Variants in SCFD2 observed in about 807,000 individuals in gnomAD.
SCFD2 encodes sec1 family domain containing 2, also known as sec1 family domain-containing protein 2.
A neutral mutation model predicts 58.9 loss-of-function variants in SCFD2; 54 were observed. That is an observed-to-expected ratio of 0.92 (90% CI 0.74 to 1.15). The LOEUF (loss-of-function observed/expected upper bound fraction) is 1.15, where lower values mean the gene tolerates loss of function less well. SCFD2 is among the 50% of genes most tolerant of loss of function. SCFD2 has a pLI of 0.00. For missense variants in SCFD2, 805 were observed against 836.6 expected (o/e 0.96, Z 0.47); for synonymous variants, 321 against 335.9 (o/e 0.96, Z 0.49).
intron 7 of SCFD2, among the ~76,000 whole-genome samples, chr4:52,890,047 T>C (rs1718845820): frequency 6.6e-6 from 1 of 152,224 alleles, no homozygotes; most frequent in African/African-American, 2.4e-5. Context: ...GGCCCTTCTT[T>C]TCTTAGAAAC....
At chr4:53,087,310 C>T (rs971316814) in intron 5 of SCFD2, among the ~76,000 whole-genome samples, 2 of 152,086 alleles carry the variant, frequency 1.3e-5, no homozygotes, top group South Asian at 4.1e-4. Flanking sequence ...AACTTGTGGG[C>T]AAATAAATTG....
At chr4:53,125,624 C>G (rs1426822269) in intron 5 of SCFD2, among the ~76,000 whole-genome samples, 1 of 152,210 alleles carries the variant, frequency 6.6e-6, no homozygotes, top group Non-Finnish European at 1.5e-5. Flanking sequence ...ACATGCCTGA[C>G]GGCAGGGCCC....
chr4:53,154,003 A>G (rs1365768801), intron 4 of SCFD2, among the ~76,000 whole-genome samples: 1 of 152,170 alleles, frequency 6.6e-6, no homozygotes, highest in Non-Finnish European at 1.5e-5. Context: ...TTTGGTCACA[A>G]CTATTGAACC....
At chr4:53,032,976 C>T (rs1722657166) in intron 5 of SCFD2, among the ~76,000 whole-genome samples, 3 of 152,162 alleles carry the variant, frequency 2.0e-5, no homozygotes. Flanking sequence ...ACCTAATAGA[C>T]ATCTACAGAA....
At chr4:52,995,757 T>C (rs1203532148) in intron 5 of SCFD2, among the ~76,000 whole-genome samples, 1 of 152,094 alleles carries the variant, frequency 6.6e-6, no homozygotes, top group Non-Finnish European at 1.5e-5. Flanking sequence ...GGGGAGGGGT[T>C]GAAAATTCTA....
chr4:53,121,892 T>C (rs1366405211), intron 5 of SCFD2, among the ~76,000 whole-genome samples: 1 of 152,194 alleles, frequency 6.6e-6, no homozygotes, highest in Non-Finnish European at 1.5e-5. Flanking sequence ...TAATCAAGAA[T>C]GCTAATATAA....
chr4:53,240,274 A>G (rs1448307599), intron 4 of SCFD2, among the ~76,000 whole-genome samples: 1 of 152,170 alleles, frequency 6.6e-6, no homozygotes, highest in Non-Finnish European at 1.5e-5. Context: ...CGTAACACAC[A>G]CCATTATTTT....
intron 2 of SCFD2, among the ~76,000 whole-genome samples, chr4:53,325,889 C>A (rs1249378684): frequency 6.6e-6 from 1 of 151,896 alleles, no homozygotes; most frequent in Non-Finnish European, 1.5e-5. Flanking sequence ...ACTAACTCTC[C>A]CCCAAAATCA....
chr4:53,163,797 G>A (rs1259449911), intron 4 of SCFD2, among the ~76,000 whole-genome samples: 2 of 152,082 alleles, frequency 1.3e-5, no homozygotes, highest in African/African-American at 2.4e-5. Flanking sequence ...ACTCTTTAAC[G>A]GTTAAATTTC....
At position 53,286,961 on chromosome 4, in the gene SCFD2, GC is replaced by G. The variant is rs982565253; in HGVS notation, c.1136-12961del. On this transcript the variant is annotated intron_variant, in intron 3 of 8. Transcript: ENST00000401642. ...CTCCTAGTGCCTGGGAAGTTACTGT[GC>G]CCTGTTGGCTCTGGAATCCAAATTT... Among the ~76,000 whole-genome samples the G allele has an allele frequency of 3.9e-5, 6 of 152,264 alleles. No individual in the cohort carries two copies. In the South Asian group the frequency reaches 1.2e-3, roughly 32 times the overall value.
intron 4 of SCFD2, among the ~76,000 whole-genome samples, chr4:53,220,171 A>G (rs1265855322): frequency 6.6e-6 from 1 of 152,194 alleles, no homozygotes; most frequent in Non-Finnish European, 1.5e-5. Context: ...TTTTTAGCCC[A>G]TGACCCAGCT....
chr4:52,983,997 C>T (rs570197810), intron 5 of SCFD2, among the ~76,000 whole-genome samples: 1 of 152,340 alleles, frequency 6.6e-6, no homozygotes, highest in South Asian at 2.1e-4. Context: ...TTGACTCCCA[C>T]ATAGTTTTTG....
chr4:53,129,634 T>C (rs6554066), intron 5 of SCFD2, among the ~76,000 whole-genome samples: 147,931 of 152,298 alleles, frequency 0.97, 71,977 homozygotes, highest in Middle Eastern at 1. Flanking sequence ...ATTCAAGATC[T>C]TAATGAACCT....
intron 5 of SCFD2, among the ~76,000 whole-genome samples, chr4:53,068,135 AG>A: frequency 6.6e-6 from 1 of 152,210 alleles, no homozygotes; most frequent in East Asian, 1.9e-4. Context: ...ATGGCCAACT[AG>A]TGAAAATGTA....
chr4:53,132,756 G>C (rs1725820845), intron 5 of SCFD2, among the ~76,000 whole-genome samples: 1 of 152,178 alleles, frequency 6.6e-6, no homozygotes, highest in Non-Finnish European at 1.5e-5. Flanking sequence ...TGGACGTGTA[G>C]AATCAGTCTT....
intron 1 of SCFD2, among the ~76,000 whole-genome samples, chr4:53,364,767 C>T (rs775278620): frequency 6.6e-6 from 1 of 152,190 alleles, no homozygotes; most frequent in Non-Finnish European, 1.5e-5. Context: ...TGAATACTGG[C>T]ATTCGTAAAT....
chr4:53,268,652 G>A (rs1033765421), intron 4 of SCFD2, among the ~76,000 whole-genome samples: 28 of 152,204 alleles, frequency 1.8e-4, no homozygotes, highest in East Asian at 5.8e-4. Flanking sequence ...GCTGGAGCCC[G>A]AGAGGCATGA....
chr4:53,282,711 T>C (rs1265589079), intron 3 of SCFD2, among the ~76,000 whole-genome samples: 1 of 152,146 alleles, frequency 6.6e-6, no homozygotes, highest in African/African-American at 2.4e-5. Context: ...TGTACTTAGC[T>C]ATACCAGGAA....
intron 4 of SCFD2, among the ~76,000 whole-genome samples, chr4:53,204,896 A>T (rs1410507174): frequency 1.3e-5 from 2 of 151,894 alleles, no homozygotes; most frequent in Non-Finnish European, 2.9e-5. Flanking sequence ...GAAAACAGTG[A>T]AGAAATGCCT....
Sources: gnomAD v4.1 joint callset for allele counts (sites outside exome capture counted in the v4.1 genomes callset) on GRCh38, gnomAD v4.1.1 for gene constraint, MANE v1.5 for transcripts, NCBI Gene and HGNC (gene_info 2026-07-23, HGNC 2026-07-21) for gene names.